The following GULP1 variants were observed in gnomAD, a reference collection of about 807,000 sequenced individuals.
GULP1 encodes the protein PTB domain-containing engulfment adapter protein 1.
A neutral mutation model predicts 40.9 loss-of-function variants in GULP1; 19 were observed. That is an observed-to-expected ratio of 0.46 (90% confidence interval 0.32 to 0.68). The LOEUF is 0.68. Among genes scored for constraint, GULP1 ranks in the 30% least tolerant of loss-of-function variants. GULP1 has a pLI of 0.03. For synonymous variants in GULP1, 119 were observed against 117.6 expected (o/e 1.01, Z -0.08); for missense variants, 312 against 362.2 (o/e 0.86, Z 1.12).
intron 1 of GULP1, among the ~76,000 whole-genome samples, chr2:188,299,560 G>A (rs895483796): frequency 3.3e-5 from 5 of 152,140 alleles, no homozygotes; most frequent in Non-Finnish European, 5.9e-5. Flanking sequence ...CTGTGCATCT[G>A]CAAATAAAGA....
At chr2:188,552,909 C>CTATATA (rs1282404817) in intron 7 of GULP1, among the ~76,000 whole-genome samples, 1 of 150,070 alleles carries the variant, frequency 6.7e-6, no homozygotes, top group African/African-American at 2.4e-5. Context: ...TTATCTCTCT[C>CTATATA]TATATATATA....
At chr2:188,335,472 C>T (rs2042140211) in intron 1 of GULP1, among the ~76,000 whole-genome samples, 1 of 152,176 alleles carries the variant, frequency 6.6e-6, no homozygotes, top group Non-Finnish European at 1.5e-5. Flanking sequence ...GGTTTCTGCT[C>T]AGAATCGCTT....
intron 1 of GULP1, among the ~76,000 whole-genome samples, chr2:188,309,605 G>A (rs1165518673): frequency 6.6e-6 from 1 of 152,122 alleles, no homozygotes; most frequent in African/African-American, 2.4e-5. Context: ...TTGGAGAAAG[G>A]CTGAGTAACT....
intron 2 of GULP1, among the ~76,000 whole-genome samples, chr2:188,450,487 G>A (rs911326178): frequency 1.3e-5 from 2 of 152,010 alleles, no homozygotes; most frequent in African/African-American, 4.8e-5. Flanking sequence ...ACATTTTTAA[G>A]TGACTTCTTC....
intron 1 of GULP1, among the ~76,000 whole-genome samples, chr2:188,347,453 A>G (rs1473685276): frequency 1.3e-5 from 2 of 152,188 alleles, no homozygotes; most frequent in African/African-American, 4.8e-5. Context: ...ATAAACTGTC[A>G]GAAACAATGC....
intron 1 of GULP1, among the ~76,000 whole-genome samples, chr2:188,336,943 T>A (rs1359523914): frequency 6.6e-6 from 1 of 152,200 alleles, no homozygotes; most frequent in East Asian, 1.9e-4. Flanking sequence ...AATTTTTTCA[T>A]ATCTTTGATG....
At chr2:188,461,817 C>T (rs1262017731) in intron 2 of GULP1, among the ~76,000 whole-genome samples, 2 of 151,966 alleles carry the variant, frequency 1.3e-5, no homozygotes, top group African/African-American at 2.4e-5. Context: ...CTTTTATTTG[C>T]AATGTCTCTG....
At position 188,292,530 on chromosome 2, in the gene GULP1, G is replaced by A. The variant is rs1326658892; in HGVS notation, c.-172+364G>A. ...ACTTTGGTCCGGCGGCGGGGGGCCG[G>A]TGAGCAGGAACTGGAGGGAGGCGGT... On this transcript the variant is annotated intron_variant, in intron 1 of 11. Transcript: ENST00000409830. The surrounding 1 kb of genome is among the most constrained non-coding windows in gnomAD (Gnocchi z 4.0). Among the ~76,000 whole-genome samples, 1 of 152,130 alleles carries A rather than the reference G, an allele frequency of 6.6e-6. No homozygotes were observed. The highest frequency in any genetic ancestry group is 2.1e-4 in the South Asian group (1 of 4,832).
intron 4 of GULP1, among the ~76,000 whole-genome samples, chr2:188,514,082 TGC>T (rs1553577811): frequency 5.4e-5 from 8 of 149,248 alleles, no homozygotes; most frequent in Non-Finnish European, 7.4e-5. Flanking sequence ...TGTGTGTGTG[TGC>T]GCCCTGCCAC....
At chr2:188,420,174 T>C (rs1054316680) in intron 2 of GULP1, among the ~76,000 whole-genome samples, 1 of 152,180 alleles carries the variant, frequency 6.6e-6, no homozygotes, top group African/African-American at 2.4e-5. Context: ...TTTGGGGTTT[T>C]TGTGGTTTCA....
At chr2:188,498,907 C>T (rs910821734) in intron 4 of GULP1, among the ~76,000 whole-genome samples, 1 of 151,278 alleles carries the variant, frequency 6.6e-6, no homozygotes, top group Non-Finnish European at 1.5e-5. Context: ...CAGGTGAAAT[C>T]TGGCTTTACG....
chr2:188,511,817 TACTC>T (rs1239936484), intron 4 of GULP1, among the ~76,000 whole-genome samples: 1 of 152,192 alleles, frequency 6.6e-6, no homozygotes, highest in East Asian at 1.9e-4. Flanking sequence ...GACTTTTTAA[TACTC>T]AGTCCATATT....
chr2:188,428,161 G>A (rs773564512), intron 2 of GULP1, among the ~76,000 whole-genome samples: 1 of 152,280 alleles, frequency 6.6e-6, no homozygotes, highest in African/African-American at 2.4e-5. Context: ...TTTCGGAATG[G>A]GGGTATTTAC....
intron 1 of GULP1, among the ~76,000 whole-genome samples, chr2:188,381,361 G>C (rs2048979949): frequency 6.6e-6 from 1 of 152,032 alleles, no homozygotes; most frequent in South Asian, 2.1e-4. Context: ...CAGTATGACT[G>C]GGTTTCAGTC....
chr2:188,332,243 G>T (rs2041700334), intron 1 of GULP1, among the ~76,000 whole-genome samples: 1 of 138,206 alleles, frequency 7.2e-6, no homozygotes, highest in African/African-American at 2.7e-5. Flanking sequence ...AGGCTGGAGT[G>T]CAGCGGCACA....
At chr2:188,308,715 C>A (rs2037562821) in intron 1 of GULP1, among the ~76,000 whole-genome samples, 1 of 152,128 alleles carries the variant, frequency 6.6e-6, no homozygotes, top group South Asian at 2.1e-4. Flanking sequence ...GGTGTGTAGT[C>A]TTGCTCCTGG....
At chr2:188,482,944 A>G (rs2061552069) in intron 3 of GULP1, among the ~76,000 whole-genome samples, 1 of 151,824 alleles carries the variant, frequency 6.6e-6, no homozygotes, top group Admixed American at 6.6e-5. Context: ...TCAGCTTCAT[A>G]CAAATGCAGT....
In GULP1 at chr2:188,339,168, A is replaced by G. The variant is rs181528812; in HGVS notation, c.-171-44595A>G. Among the ~76,000 whole-genome samples, 5 of 152,358 alleles carry G rather than the reference A, an allele frequency of 3.3e-5. No homozygotes were observed. The East Asian group carries it at 5.8e-4, about 18-fold the overall frequency. Reference sequence around the variant, plus strand: ...TTTCTTGTTTAAAGGCCAGTTTTCTATGATACCAGTATACACATTTAAAAG... The same window carrying G: ...TTTCTTGTTTAAAGGCCAGTTTTCTGTGATACCAGTATACACATTTAAAAG... On this transcript the variant is annotated intron_variant, in intron 1 of 11. Transcript: ENST00000409830.
At chr2:188,579,462 C>T (rs1482513947) in intron 9 of GULP1, among the ~76,000 whole-genome samples, 1 of 152,006 alleles carries the variant, frequency 6.6e-6, no homozygotes, top group African/African-American at 2.4e-5. Flanking sequence ...GATACCTGCA[C>T]ACAGTGTGTA....
Sources: allele counts gnomAD v4.1 joint callset (sites outside exome capture counted in the v4.1 genomes callset), GRCh38; gene constraint gnomAD v4.1.1; non-coding constraint Gnocchi (gnomAD v3.1); transcripts MANE v1.5; gene names NCBI Gene and HGNC (gene_info 2026-07-23, HGNC 2026-07-21).